The following LINGO2 variants were observed in gnomAD, a reference collection of about 807,000 sequenced individuals.
LINGO2 encodes the protein leucine rich repeat and Ig domain containing 2.
Under a neutral mutation model 30.6 loss-of-function variants are expected in LINGO2, and 14 were observed. That is an observed-to-expected ratio of 0.46 (90% CI 0.30 to 0.72). The LOEUF is 0.72. LINGO2 is among the 30% of genes least tolerant of loss of function. The probability of loss-of-function intolerance (pLI) is 0.07; values close to 1 mark genes in which losing one functional copy is unlikely to be tolerated. For synonymous variants in LINGO2, 317 were observed against 288.5 expected (o/e 1.10, Z -1.00); for missense variants, 729 against 751.7 (o/e 0.97, Z 0.35).
rs1317607425 is a variant in LINGO2, at chr9:28,599,769, G to A, written c.-365+70431C>T. On this transcript the variant is annotated intron_variant, in intron 1 of 5. Transcript: ENST00000379992. ...TCACTATAAAAATGTATACTCAACT[G>A]GACCATTAAAACAAGACTAAGTGAT... Among the ~76,000 whole-genome samples, 3 of 151,904 alleles carry A rather than the reference G, an allele frequency of 2.0e-5. 1 individual carries two copies. Among genetic ancestry groups the A allele is most frequent in the Non-Finnish European group, 4.4e-5 (3 of 67,980 alleles).
intron 2 of LINGO2, among the ~76,000 whole-genome samples, chr9:28,437,132 G>A (rs759411878): frequency 3.3e-5 from 5 of 152,198 alleles, no homozygotes; most frequent in Non-Finnish European, 7.3e-5. Context: ...TGAGTCAGTG[G>A]ACTGAGTGGA....
chr9:28,792,014 A>G, the LINGO2 span, among the ~76,000 whole-genome samples: 2 of 151,392 alleles, frequency 1.3e-5, no homozygotes, highest in Non-Finnish European at 1.5e-5. Flanking sequence ...ATACACTGAT[A>G]TATACACTTT....
intron 1 of LINGO2, among the ~76,000 whole-genome samples, chr9:28,534,228 A>G (rs1292358409): frequency 2.0e-5 from 3 of 152,112 alleles, no homozygotes; most frequent in Non-Finnish European, 2.9e-5. Flanking sequence ...ACAATCATGG[A>G]TCACTGCAGT....
At chr9:28,842,712 C>T in the LINGO2 span, among the ~76,000 whole-genome samples, 15 of 151,808 alleles carry the variant, frequency 9.9e-5, no homozygotes, top group Non-Finnish European at 2.1e-4. Context: ...TTTCACTCTT[C>T]CAAATTAACA....
At chr9:28,945,752 C>T in the LINGO2 span, among the ~76,000 whole-genome samples, 1 of 152,136 alleles carries the variant, frequency 6.6e-6, no homozygotes, top group South Asian at 2.1e-4. Flanking sequence ...AGAACTGTTG[C>T]CCTAGAGAAG....
Position 28,337,056 on chromosome 9 carries a change from T to C in LINGO2, c.-246+35780A>G, listed in dbSNP as rs539291544. Among the ~76,000 whole-genome samples the C allele has an allele frequency of 2.0e-5, 3 of 149,064 alleles. 1 individual carries two copies. Among genetic ancestry groups the C allele is most frequent in the South Asian group, 4.2e-4 (2 of 4,796 alleles). On this transcript the variant is annotated intron_variant, in intron 3 of 5. Transcript: ENST00000379992. Reference sequence around the variant, plus strand: ...ATAATTTTAATTATAAATGAACATATATACTTTCATATTATAAAAATAAAA... The same window carrying C: ...ATAATTTTAATTATAAATGAACATACATACTTTCATATTATAAAAATAAAA...
chr9:28,656,460 T>C (rs555018181), intron 1 of LINGO2, among the ~76,000 whole-genome samples: 9 of 152,218 alleles, frequency 5.9e-5, no homozygotes, highest in African/African-American at 1.9e-4. Context: ...TCTTGTATGA[T>C]GCAAGGAGAA....
intron 4 of LINGO2, among the ~76,000 whole-genome samples, chr9:28,254,349 G>T (rs994618592): frequency 1.3e-5 from 2 of 152,082 alleles, no homozygotes; most frequent in African/African-American, 4.8e-5. Flanking sequence ...GTATTAAAAT[G>T]GTAACTAAAA....
At chr9:28,436,019 G>C (rs1823906283) in intron 2 of LINGO2, among the ~76,000 whole-genome samples, 1 of 152,088 alleles carries the variant, frequency 6.6e-6, no homozygotes, top group Admixed American at 6.5e-5. Flanking sequence ...ATCCGCAATA[G>C]AAAGCAGTTA....
the LINGO2 span, among the ~76,000 whole-genome samples, chr9:28,699,890 T>A: frequency 3.3e-5 from 5 of 151,976 alleles, no homozygotes; most frequent in Admixed American, 2.0e-4. Flanking sequence ...AAATTTGAAC[T>A]CAGACGGGTT....
chr9:29,079,434 T>C, the LINGO2 span, among the ~76,000 whole-genome samples: 1 of 151,978 alleles, frequency 6.6e-6, no homozygotes, highest in Non-Finnish European at 1.5e-5. Flanking sequence ...GTGATTCCTA[T>C]AAAATATAGT....
chr9:28,896,091 T>C, the LINGO2 span, among the ~76,000 whole-genome samples: 11 of 152,078 alleles, frequency 7.2e-5, no homozygotes, highest in African/African-American at 2.7e-4. Flanking sequence ...GACAAGGAAG[T>C]ACAGCTCTCA....
chr9:28,843,515 G>A, the LINGO2 span, among the ~76,000 whole-genome samples: 1 of 151,664 alleles, frequency 6.6e-6, no homozygotes, highest in Non-Finnish European at 1.5e-5. Flanking sequence ...GGAAGAGAAG[G>A]AGTGGCAAAG....
chr9:28,367,661 C>T (rs1371845490), intron 3 of LINGO2, among the ~76,000 whole-genome samples: 1 of 151,944 alleles, frequency 6.6e-6, no homozygotes, highest in Non-Finnish European at 1.5e-5. Context: ...CCCCTTTCTT[C>T]TCTCTCTGGA....
At chr9:28,316,125 T>C (rs1298235291) in intron 3 of LINGO2, among the ~76,000 whole-genome samples, 2 of 152,062 alleles carry the variant, frequency 1.3e-5, no homozygotes, top group South Asian at 2.1e-4. Context: ...AAGCATTTAG[T>C]ATAGCACTTG....
At chr9:28,564,184 AAT>A in intron 1 of LINGO2, among the ~76,000 whole-genome samples, 1 of 152,248 alleles carries the variant, frequency 6.6e-6, no homozygotes, top group Non-Finnish European at 1.5e-5. Context: ...TTGCTGATTT[AAT>A]ATCATATGGA....
chr9:28,631,516 C>A (rs151150097), intron 1 of LINGO2, among the ~76,000 whole-genome samples: 1 of 152,074 alleles, frequency 6.6e-6, no homozygotes, highest in Non-Finnish European at 1.5e-5. Flanking sequence ...CCTTTCCCCA[C>A]TTCTTGTTTT....
chr9:28,134,809 T>G (rs762509908), intron 4 of LINGO2, among the ~76,000 whole-genome samples: 1 of 152,214 alleles, frequency 6.6e-6, no homozygotes, highest in African/African-American at 2.4e-5. Context: ...AACAGAGCCG[T>G]TTCCGTTTAT....
chr9:28,110,022 G>T (rs537861752), intron 4 of LINGO2, among the ~76,000 whole-genome samples: 4 of 152,140 alleles, frequency 2.6e-5, no homozygotes, highest in Non-Finnish European at 5.9e-5. Context: ...AACCAAAACC[G>T]CATGGTACTG....
Sources: gnomAD v4.1 joint callset for allele counts (sites outside exome capture counted in the v4.1 genomes callset) on GRCh38, gnomAD v4.1.1 for gene constraint, MANE v1.5 for transcripts, NCBI Gene and HGNC (gene_info 2026-07-23, HGNC 2026-07-21) for gene names.